The following MBOAT1 variants were observed in gnomAD, a reference collection of about 807,000 sequenced individuals.
MBOAT1 encodes the protein membrane bound glycerophospholipid O-acyltransferase 1, also known as membrane-bound glycerophospholipid O-acyltransferase 1.
A neutral mutation model predicts 64.4 loss-of-function variants in MBOAT1; 67 were observed. That is an observed-to-expected ratio of 1.04 (90% CI 0.85 to 1.27). The LOEUF is 1.27. MBOAT1 is among the 50% of genes most tolerant of loss of function. The probability of loss-of-function intolerance (pLI) is 0.00; values close to 1 mark genes in which losing one functional copy is unlikely to be tolerated. For missense variants in MBOAT1, 563 were observed against 604.6 expected (o/e 0.93, Z 0.72); for synonymous variants, 229 against 218.9 (o/e 1.05, Z -0.41).
Position 20,102,236 on chromosome 6 carries a change from C to A in MBOAT1, c.*50G>T, listed in dbSNP as rs1454188799. On this transcript the variant is annotated 3_prime_UTR_variant, in exon 13 of 13. Transcript: ENST00000324607. ...AGGAGCCCTTGAAGCCTTGTCATCT[C>A]ATCTTTCGAACGTTCTGCAGTTTTG... 1 of 1,576,652 alleles carries A rather than the reference C, an allele frequency of 6.3e-7. No homozygotes were observed. The highest frequency in any genetic ancestry group is 8.6e-7 in the Non-Finnish European group (1 of 1,159,336).
At chr6:20,106,980 A>G (rs572952365) in intron 12 of MBOAT1, among the ~76,000 whole-genome samples, 1 of 152,292 alleles carries the variant, frequency 6.6e-6, no homozygotes, top group East Asian at 1.9e-4. Context: ...GTTATGCTTT[A>G]GTTGGTTAAA....
chr6:20,123,348 T>A (rs924789491), intron 8 of MBOAT1, among the ~76,000 whole-genome samples: 1 of 152,186 alleles, frequency 6.6e-6, no homozygotes, highest in Non-Finnish European at 1.5e-5. Context: ...CAAGCGCAGG[T>A]CGCTTGCAGC....
At chr6:20,111,887 T>TACATATATATATACATATATATAC (rs1385208418) in intron 11 of MBOAT1, among the ~76,000 whole-genome samples, 25 of 140,424 alleles carry the variant, frequency 1.8e-4, no homozygotes, top group African/African-American at 2.7e-4. Context: ...TATGTATATA[T>TACATATATATATACATATATATAC]ATATATTCCA....
rs1760866133 is a variant in MBOAT1, at chr6:20,132,650, T to C, written c.420-1451A>G. ...TAGAAGAAAACGTAAGTATAAATCTTTGTGACTTCAGGTTACGCACTGGTT... is the reference window on the plus strand; with the variant it reads ...TAGAAGAAAACGTAAGTATAAATCTCTGTGACTTCAGGTTACGCACTGGTT... On this transcript the variant is annotated intron_variant, in intron 4 of 12. Coordinates refer to ENST00000324607, the MANE Select transcript of MBOAT1 (RefSeq NM_001080480.3). 2.0e-5 allele frequency among the ~76,000 whole-genome samples: 3 copies of C among 152,222 alleles called. No individual in the cohort carries two copies. In the South Asian group the frequency reaches 6.2e-4, roughly 32 times the overall value.
Position 20,195,830 on chromosome 6 carries a change from G to A in MBOAT1, c.99+16306C>T, listed in dbSNP as rs371860616. ...AAGCAAAAATCAGAGAGACAAGCACGCCTGGAGCTGGCATTTTTCCCTGGG... is the reference window on the plus strand; with the variant it reads ...AAGCAAAAATCAGAGAGACAAGCACACCTGGAGCTGGCATTTTTCCCTGGG... On this transcript the variant is annotated intron_variant, in intron 1 of 12. Coordinates refer to ENST00000324607, the MANE Select transcript of MBOAT1 (RefSeq NM_001080480.3). 1.2e-3 allele frequency among the ~76,000 whole-genome samples: 183 copies of A among 152,306 alleles called. 1 individual carries two copies. Among genetic ancestry groups the A allele is most frequent in the South Asian group, 7.0e-3 (34 of 4,830 alleles).
intron 10 of MBOAT1, among the ~76,000 whole-genome samples, chr6:20,114,323 G>C (rs1385964751): frequency 6.6e-6 from 1 of 152,196 alleles, no homozygotes; most frequent in Non-Finnish European, 1.5e-5. Context: ...CTAGGTAGAA[G>C]AGCTTGCTGC....
intron 1 of MBOAT1, among the ~76,000 whole-genome samples, chr6:20,177,689 G>C (rs1398829591): frequency 1.3e-5 from 2 of 150,996 alleles, no homozygotes; most frequent in African/African-American, 4.9e-5. Context: ...CAGGAGAACG[G>C]CGTGAACCTG....
chr6:20,192,575 T>C (rs1330050338), intron 1 of MBOAT1, among the ~76,000 whole-genome samples: 3 of 152,188 alleles, frequency 2.0e-5, no homozygotes, highest in African/African-American at 4.8e-5. Context: ...ATTTCTGACA[T>C]TCAGTGCTGT....
At chr6:20,142,998 C>G (rs1223347763) in intron 4 of MBOAT1, among the ~76,000 whole-genome samples, 1 of 152,200 alleles carries the variant, frequency 6.6e-6, no homozygotes, top group Non-Finnish European at 1.5e-5. Flanking sequence ...CAAGGTGGGA[C>G]AGTTGAGTTG....
intron 1 of MBOAT1, among the ~76,000 whole-genome samples, chr6:20,165,261 C>T (rs1330104922): frequency 6.6e-6 from 1 of 152,114 alleles, no homozygotes; most frequent in Non-Finnish European, 1.5e-5. Flanking sequence ...CTCCTGACTC[C>T]GTGGTCCAAT....
rs1030977440 is a variant in MBOAT1, at chr6:20,104,648, A to T, written c.1362-2236T>A. On this transcript the variant is annotated intron_variant, in intron 12 of 12. Coordinates refer to ENST00000324607, the MANE Select transcript of MBOAT1 (RefSeq NM_001080480.3). ...TGCTTTTTGAAGAATAAAGGAAAAT[A>T]ATGTTGGGAGGGAGGAAAGCACAAT... 2.0e-5 allele frequency among the ~76,000 whole-genome samples: 3 copies of T among 152,224 alleles called. 1 individual carries two copies. The South Asian group carries it at 6.2e-4, about 32-fold the overall frequency.
intron 12 of MBOAT1, among the ~76,000 whole-genome samples, chr6:20,109,196 C>T (rs928886612): frequency 9.2e-5 from 14 of 152,246 alleles, no homozygotes; most frequent in African/African-American, 2.4e-4. Flanking sequence ...CAGCCTCAGC[C>T]GCATCCCCCG....
At position 20,212,420 on chromosome 6, in the gene MBOAT1, G is replaced by A. The variant is rs541233714; in HGVS notation, c.-186C>T. On this transcript the variant is annotated 5_prime_UTR_variant, in exon 1 of 13. Coordinates refer to ENST00000324607, the MANE Select transcript of MBOAT1 (RefSeq NM_001080480.3). ...CTCTCGAGGCGCAAACTCTCGAGGC[G>A]CAAACTTGGCTTTGGCGCTGGCGCT... The A allele has an allele frequency of 4.8e-4, 288 of 598,344 alleles. 2 individuals are homozygous for A. The South Asian group carries it at 5.6e-3, about 12-fold the overall frequency. 37.1% of individuals were successfully genotyped at this position (598,344 alleles called of 1,614,324 possible). A position where few individuals can be genotyped will look rare whatever the true frequency, so the allele number is the denominator to read the frequency against.
intron 12 of MBOAT1, among the ~76,000 whole-genome samples, chr6:20,107,042 G>C (rs1381055503): frequency 2.0e-5 from 3 of 152,124 alleles, no homozygotes; most frequent in African/African-American, 7.2e-5. Flanking sequence ...GCAGTAGTTT[G>C]CATCCAAAAT....
chr6:20,184,035 G>A (rs1482153316), intron 1 of MBOAT1, among the ~76,000 whole-genome samples: 2 of 152,222 alleles, frequency 1.3e-5, no homozygotes, highest in Non-Finnish European at 2.9e-5. Flanking sequence ...CTCCCCCTGT[G>A]TCCCTCACAT....
intron 7 of MBOAT1, among the ~76,000 whole-genome samples, chr6:20,126,127 A>ACAGTAATTCCAGTTCCGTGGTC (rs1760641669): frequency 6.6e-6 from 1 of 152,218 alleles, no homozygotes; most frequent in Non-Finnish European, 1.5e-5. Flanking sequence ...CAAGAAAAAC[A>ACAGTAATTCCAGTTCCGTGGTC]CAGTAATTCC....
chr6:20,189,778 C>T (rs750270676), intron 1 of MBOAT1, among the ~76,000 whole-genome samples: 10 of 151,656 alleles, frequency 6.6e-5, no homozygotes, highest in Non-Finnish European at 1.5e-4. Context: ...AGTGAGATCA[C>T]ATGGCATTTG....
rs1444589940 is a variant in MBOAT1, at chr6:20,109,972, C to T, written c.1210-223G>A. On this transcript the variant is annotated intron_variant, in intron 11 of 12. Coordinates refer to ENST00000324607, the MANE Select transcript of MBOAT1 (RefSeq NM_001080480.3). Reference sequence around the variant, plus strand: ...TCGCCCAGGCTGGAGTGCAGTGGCGCAATCTCAGCTCACTGCAAGCTCTGC... The same window carrying T: ...TCGCCCAGGCTGGAGTGCAGTGGCGTAATCTCAGCTCACTGCAAGCTCTGC... Among the ~76,000 whole-genome samples, 25 of 142,016 alleles carry T rather than the reference C, an allele frequency of 1.8e-4. No homozygotes were observed. In the East Asian group the frequency reaches 2.5e-3, roughly 14 times the overall value. 93.2% of individuals were successfully genotyped at this position (142,016 alleles called of 152,430 possible).
chr6:20,192,579 G>C (rs760354357), intron 1 of MBOAT1, among the ~76,000 whole-genome samples: 1 of 152,280 alleles, frequency 6.6e-6, no homozygotes, highest in South Asian at 2.1e-4. Flanking sequence ...CTGACATTCA[G>C]TGCTGTAACA....
Sources: allele counts gnomAD v4.1 joint callset (sites outside exome capture counted in the v4.1 genomes callset), GRCh38; gene constraint gnomAD v4.1.1; transcripts MANE v1.5; gene names NCBI Gene and HGNC (gene_info 2026-07-23, HGNC 2026-07-21).